RPL34: variants seen among roughly 807,000 people sequenced by gnomAD.
RPL34 encodes ribosomal protein L34, also known as large ribosomal subunit protein eL34.
Under a neutral mutation model 16.3 loss-of-function variants are expected in RPL34, and 2 were observed. That is an observed-to-expected ratio of 0.12 (90% CI 0.05 to 0.39). The LOEUF (loss-of-function observed/expected upper bound fraction) is 0.39, where lower values mean the gene tolerates loss of function less well. Among genes scored for constraint, RPL34 ranks in the 10% least tolerant of loss-of-function variants. RPL34 has a pLI of 0.99. For missense variants in RPL34, 82 were observed against 148.8 expected (o/e 0.55, Z 2.33); for synonymous variants, 47 against 48.5 (o/e 0.97, Z 0.13).
At chr4:108,624,580 T>A (rs1725921235) in intron 4 of RPL34, among the ~76,000 whole-genome samples, 1 of 152,214 alleles carries the variant, frequency 6.6e-6, no homozygotes, top group Admixed American at 6.5e-5. Flanking sequence ...AACTCCCTGT[T>A]AAATACGTGT....
chr4:108,626,598 C>T (rs1290922802), downstream of RPL34, among the ~76,000 whole-genome samples: 1 of 152,050 alleles, frequency 6.6e-6, no homozygotes, highest in Non-Finnish European at 1.5e-5. Context: ...ACCACCACAC[C>T]CGGCTAATTT....
chr4:108,627,250 C>A (rs1416217358), downstream of RPL34, among the ~76,000 whole-genome samples: 1 of 149,016 alleles, frequency 6.7e-6, no homozygotes, highest in Non-Finnish European at 1.5e-5. Flanking sequence ...AAAAAAAAAA[C>A]ACCTTTTCTT....
downstream of RPL34, among the ~76,000 whole-genome samples, chr4:108,628,258 G>A (rs911884304): frequency 6.6e-6 from 1 of 152,072 alleles, no homozygotes; most frequent in Non-Finnish European, 1.5e-5. Flanking sequence ...AATATAAAAC[G>A]GGGATAGAAT....
In RPL34 at chr4:108,625,192, C is replaced by T. The variant is rs756801726; in HGVS notation, c.334C>T (p.Gln112Ter). 9 of 1,607,864 alleles carry T rather than the reference C, an allele frequency of 5.6e-6. No homozygotes were observed. The highest frequency in any genetic ancestry group is 1.3e-5 in the African/African-American group (1 of 74,526). The change falls in exon 5 of 5, where the codon CAG (glutamine) becomes TAG (stop). Residue 112 changes from glutamine (Q) to a stop codon, truncating the protein, a stop_gained. Transcript: ENST00000394667. LOFTEE classifies it high-confidence loss of function. ...IVVKVLKAQA[Q>*]SQKAK ...TGTGAAAGTGTTGAAGGCACAAGCACAGAGTCAGAAAGCTAAATAAAAAAA... is the reference window on the plus strand; with the variant it reads ...TGTGAAAGTGTTGAAGGCACAAGCATAGAGTCAGAAAGCTAAATAAAAAAA...
chr4:108,625,263 A>T lies in RPL34; in HGVS notation c.*51A>T. ...AAAATGAAAAGACGCTGTATGTATG[A>T]CTTTTTTTTTTTCTGTTGTAATGTG... On this transcript the variant is annotated 3_prime_UTR_variant, in exon 5 of 5. Coordinates refer to ENST00000394667, the MANE Select transcript of RPL34 (RefSeq NM_001319236.2). 1 of 1,138,300 alleles carries T rather than the reference A, an allele frequency of 8.8e-7. No individual in the cohort carries two copies. The highest frequency in any genetic ancestry group is 1.3e-6 in the Non-Finnish European group (1 of 778,474). 70.5% of individuals were successfully genotyped at this position (1,138,300 alleles called of 1,614,324 possible). A position where few individuals can be genotyped will look rare whatever the true frequency, so the allele number is the denominator to read the frequency against.
chr4:108,621,846 C>A, intron 1 of RPL34, 105 bp from the exon 2 acceptor site: 1 of 750,398 alleles, frequency 1.3e-6, no homozygotes, highest in East Asian at 2.6e-5. Context: ...AAGGGTGTTA[C>A]ATACAAGGAT....
At position 108,624,625 on chromosome 4, in the gene RPL34, C is replaced by T. The variant is rs140995475; in HGVS notation, c.270-503C>T. On this transcript the variant is annotated intron_variant, in intron 4 of 4. Transcript: ENST00000394667. ...TTGTGCCTTAATATAGAGAAGGTAA[C>T]TTGTCCAGTGTGCAGCTAGTGTGTG... Among the ~76,000 whole-genome samples, 7 of 152,292 alleles carry T rather than the reference C, an allele frequency of 4.6e-5. No homozygotes were observed. In the East Asian group the frequency reaches 9.7e-4, roughly 21 times the overall value.
chr4:108,627,299 C>T (rs994407709), downstream of RPL34, among the ~76,000 whole-genome samples: 1 of 152,006 alleles, frequency 6.6e-6, no homozygotes, highest in Admixed American at 6.6e-5. Flanking sequence ...GTCCCAGTCT[C>T]AACACTTGGG....
intron 1 of RPL34, chr4:108,621,568 C>T (rs568717511): frequency 4.3e-6 from 1 of 232,746 alleles, no homozygotes. Flanking sequence ...CTTTATATTC[C>T]CAGTAAATGG....
downstream of RPL34, among the ~76,000 whole-genome samples, chr4:108,626,289 A>G (rs946755252): frequency 2.0e-5 from 3 of 151,498 alleles, no homozygotes; most frequent in Non-Finnish European, 2.9e-5. Context: ...AGGCACCACC[A>G]TGCCTGGCTC....
chr4:108,627,408 C>T (rs1271173006), downstream of RPL34, among the ~76,000 whole-genome samples: 2 of 151,854 alleles, frequency 1.3e-5, no homozygotes, highest in East Asian at 1.9e-4. Flanking sequence ...ATAAGAATAC[C>T]CCTTAAGGTA....
At chr4:108,620,679 G>A (rs761245337) in intron 1 of RPL34, 79 bp downstream of exon 1, 3 of 233,194 alleles carry the variant, frequency 1.3e-5, no homozygotes, top group South Asian at 4.3e-5. Flanking sequence ...GAAGCCTAGA[G>A]CTCTCAGAAG....
Position 108,622,622 on chromosome 4 carries a change from A to C in RPL34, c.269+4A>C. ...GTGCTAAATGTGTTCGTGACAGGTA[A>C]GTTAAATGCTTAAATGGGCTTTCCT... On this transcript the variant is annotated splice_donor_region_variant and intron_variant, in intron 4 of 4. Transcript: ENST00000394667. The C allele has an allele frequency of 6.4e-7, 1 of 1,561,334 alleles. No homozygotes were observed. Among genetic ancestry groups the C allele is most frequent in the Non-Finnish European group, 8.7e-7 (1 of 1,147,772 alleles).
At chr4:108,627,407 C>G (rs536314890), downstream of RPL34, among the ~76,000 whole-genome samples, 43 of 152,094 alleles carry the variant, frequency 2.8e-4, no homozygotes, top group African/African-American at 7.7e-4. Flanking sequence ...AATAAGAATA[C>G]CCCTTAAGGT....
intron 3 of RPL34, 127 bp from the exon 4 acceptor site, chr4:108,622,388 G>A (rs1725821486): frequency 3.7e-6 from 3 of 818,476 alleles, no homozygotes; most frequent in Middle Eastern, 5.2e-4. Flanking sequence ...GCAGTGAAAT[G>A]CCTTTCAGAT....
At chr4:108,629,835 T>C (rs1578327675), downstream of RPL34, among the ~76,000 whole-genome samples, 1 of 152,348 alleles carries the variant, frequency 6.6e-6, no homozygotes, top group Non-Finnish European at 1.5e-5. Context: ...GATTAAGAGC[T>C]TGGGCTTCCA....
At position 108,621,936 on chromosome 4, in the gene RPL34, CTA is replaced by C; in HGVS notation, c.-9-13_-9-12del. The C allele has an allele frequency of 6.5e-7, 1 of 1,546,780 alleles. No individual in the cohort carries two copies. The highest frequency in any genetic ancestry group is 2.2e-5 in the East Asian group (1 of 44,572). On this transcript the variant is annotated splice_polypyrimidine_tract_variant and intron_variant, in intron 1 of 4. Coordinates refer to ENST00000394667, the MANE Select transcript of RPL34 (RefSeq NM_001319236.2). ...TACAATGGAAAGATTTGATGTTACT[CTA>C]TTCTTAATTTAGGCACTCAGAATGG...
downstream of RPL34, among the ~76,000 whole-genome samples, chr4:108,627,488 TAAA>T (rs1280263053): frequency 2.0e-5 from 3 of 152,164 alleles, no homozygotes; most frequent in African/African-American, 7.2e-5. Context: ...GTTCTTGGTA[TAAA>T]AAATTTTTAA....
chr4:108,626,192 G>A (rs772170113), downstream of RPL34, among the ~76,000 whole-genome samples: 2 of 152,096 alleles, frequency 1.3e-5, no homozygotes, highest in Non-Finnish European at 2.9e-5. Context: ...GCCCAGCCTG[G>A]AGTGCAATCT....
Sources: allele counts gnomAD v4.1 joint callset (sites outside exome capture counted in the v4.1 genomes callset), GRCh38; gene constraint gnomAD v4.1.1; transcripts MANE v1.5; gene names NCBI Gene and HGNC (gene_info 2026-07-23, HGNC 2026-07-21).